The following NLGN1 variants were observed in gnomAD, a reference collection of about 807,000 sequenced individuals.
NLGN1 encodes neuroligin 1, also known as neuroligin-1.
Under a neutral mutation model 65.5 loss-of-function variants are expected in NLGN1, and 12 were observed. That is an observed-to-expected ratio of 0.18 (90% CI 0.12 to 0.30). NLGN1 has a LOEUF of 0.30. NLGN1 is among the 10% of genes least tolerant of loss of function. The probability of loss-of-function intolerance (pLI) is 1.00; values close to 1 mark genes in which losing one functional copy is unlikely to be tolerated. For synonymous variants in NLGN1, 350 were observed against 359.5 expected (o/e 0.97, Z 0.30); for missense variants, 750 against 1,007.1 (o/e 0.74, Z 3.46).
At chr3:173,661,695 T>A (rs1207535885) in intron 3 of NLGN1, among the ~76,000 whole-genome samples, 1 of 152,050 alleles carries the variant, frequency 6.6e-6, no homozygotes, top group East Asian at 1.9e-4. Context: ...TTAAGCTATC[T>A]CTTAATAAAG....
chr3:174,085,003 C>G (rs1025000987), intron 4 of NLGN1, among the ~76,000 whole-genome samples: 2 of 151,762 alleles, frequency 1.3e-5, no homozygotes, highest in African/African-American at 4.8e-5. Context: ...ACCAAACTAG[C>G]GAAAATTCTT....
At chr3:173,611,527 C>T (rs186193319) in intron 3 of NLGN1, among the ~76,000 whole-genome samples, 21 of 152,104 alleles carry the variant, frequency 1.4e-4, no homozygotes, top group Admixed American at 1.1e-3. Context: ...ATAATTAAAA[C>T]GCCTAGTTCA....
chr3:173,657,694 G>A (rs1444235526), intron 3 of NLGN1, among the ~76,000 whole-genome samples: 1 of 151,764 alleles, frequency 6.6e-6, no homozygotes, highest in Non-Finnish European at 1.5e-5. Context: ...AAAAAAAATA[G>A]GAATCATCCC....
chr3:173,774,755 G>A (rs768552131), intron 3 of NLGN1, among the ~76,000 whole-genome samples: 42 of 152,108 alleles, frequency 2.8e-4, no homozygotes, highest in Non-Finnish European at 3.4e-4. Context: ...ACTCTCATTT[G>A]CATTTTTTTC....
In NLGN1 at chr3:173,529,903, G is replaced by A. The variant is rs577956640; in HGVS notation, c.-320-74376G>A. Reference sequence around the variant, plus strand: ...GGTGGAGTGGTCAGGTGTCAGTGGTGTAGAAATGGACTAGGTAATTCCCCA... The same window carrying A: ...GGTGGAGTGGTCAGGTGTCAGTGGTATAGAAATGGACTAGGTAATTCCCCA... On this transcript the variant is annotated intron_variant, in intron 2 of 6. Coordinates refer to ENST00000457714, the Ensembl canonical transcript of NLGN1. Among the ~76,000 whole-genome samples, 22 of 152,046 alleles carry A rather than the reference G, an allele frequency of 1.4e-4. 1 individual carries two copies. The South Asian group carries it at 4.4e-3, about 30-fold the overall frequency.
At chr3:173,942,109 G>GGTGTGTGTGTGT (rs1050946666) in intron 4 of NLGN1, among the ~76,000 whole-genome samples, 65 of 144,140 alleles carry the variant, frequency 4.5e-4, no homozygotes, top group African/African-American at 1.5e-3. Flanking sequence ...GGTGGTTGGG[G>GGTGTGTGTGTGT]GTGTGTGTGT....
chr3:173,783,703 C>T (rs753862684), intron 3 of NLGN1, among the ~76,000 whole-genome samples: 1 of 152,194 alleles, frequency 6.6e-6, no homozygotes, highest in Non-Finnish European at 1.5e-5. Flanking sequence ...CAATCTCTGC[C>T]TCATGGGATT....
chr3:173,982,223 C>A (rs1465033643), intron 4 of NLGN1, among the ~76,000 whole-genome samples: 1 of 152,034 alleles, frequency 6.6e-6, no homozygotes, highest in East Asian at 1.9e-4. Context: ...TAAATATTAA[C>A]TCCAGGACAG....
intron 4 of NLGN1, among the ~76,000 whole-genome samples, chr3:174,029,533 G>C (rs756302404): frequency 5.9e-5 from 9 of 151,652 alleles, no homozygotes; most frequent in African/African-American, 2.4e-5. Flanking sequence ...AGGGACTTTT[G>C]ACTTGGACTT....
chr3:173,961,382 A>T (rs2152347885), intron 4 of NLGN1, among the ~76,000 whole-genome samples: 1 of 152,262 alleles, frequency 6.6e-6, no homozygotes, highest in Non-Finnish European at 1.5e-5. Flanking sequence ...TGTTGAATTT[A>T]CTTCCAATTT....
chr3:174,096,339 G>T (rs1745526841), intron 4 of NLGN1, among the ~76,000 whole-genome samples: 2 of 151,610 alleles, frequency 1.3e-5, no homozygotes, highest in Non-Finnish European at 2.9e-5. Context: ...ACCCATGAAG[G>T]GTTCTCCGCA....
chr3:173,573,143 G>T (rs1744920248), intron 2 of NLGN1, among the ~76,000 whole-genome samples: 3 of 149,380 alleles, frequency 2.0e-5, no homozygotes, highest in Admixed American at 6.8e-5. Flanking sequence ...ACAATGAACA[G>T]GAAGTACAGG....
At chr3:173,709,174 T>C (rs970474619) in intron 3 of NLGN1, among the ~76,000 whole-genome samples, 1 of 152,208 alleles carries the variant, frequency 6.6e-6, no homozygotes, top group Admixed American at 6.5e-5. Context: ...CGAGGTTTAT[T>C]TCTCATTTGC....
intron 1 of NLGN1, among the ~76,000 whole-genome samples, chr3:173,420,748 C>T (rs568815356): frequency 7.6e-4 from 115 of 152,216 alleles, no homozygotes; most frequent in African/African-American, 2.3e-3. Context: ...CTTCTTCTTC[C>T]GGTGTGGCCC....
chr3:173,939,431 G>A (rs999035794), intron 4 of NLGN1, among the ~76,000 whole-genome samples: 2 of 152,054 alleles, frequency 1.3e-5, no homozygotes, highest in Non-Finnish European at 2.9e-5. Context: ...ACCTGTGGTT[G>A]TTTACACACA....
chr3:173,894,900 G>C (rs916495184), intron 4 of NLGN1, among the ~76,000 whole-genome samples: 3 of 146,662 alleles, frequency 2.0e-5, no homozygotes, highest in African/African-American at 7.6e-5. Flanking sequence ...GCCTCCCAAA[G>C]TGCTGGGATT....
rs3979635 is a variant in NLGN1, at chr3:173,788,833, TAAAAAAAAAAAA to T, written c.494-18829_494-18818del. ...CTGGGTTACACAGCAAGACCTCATT[TAAAAAAAAAAAA>T]AAAAAAAAAAAAAAAAAGACCTGAT... is the stretch of plus-strand genomic sequence containing the variant. On this transcript the variant is annotated intron_variant, in intron 3 of 6. Transcript: ENST00000457714. Among the ~76,000 whole-genome samples, 4 of 53,536 alleles carry T rather than the reference TAAAAAAAAAAAA, an allele frequency of 7.5e-5. No homozygotes were observed. In the East Asian group the frequency reaches 1.8e-3, roughly 24 times the overall value. 35.1% of individuals were successfully genotyped at this position (53,536 alleles called of 152,430 possible). A position where few individuals can be genotyped will look rare whatever the true frequency, so the allele number is the denominator to read the frequency against.
chr3:173,927,957 T>C (rs1560651534), intron 4 of NLGN1, among the ~76,000 whole-genome samples: 1 of 152,162 alleles, frequency 6.6e-6, no homozygotes, highest in Non-Finnish European at 1.5e-5. Context: ...CAGTGCTTTT[T>C]ATGTAGGAAT....
chr3:173,639,316 G>C (rs775774597), intron 3 of NLGN1, among the ~76,000 whole-genome samples: 1 of 152,182 alleles, frequency 6.6e-6, no homozygotes, highest in Non-Finnish European at 1.5e-5. Context: ...CAACGAGACA[G>C]GTGGCTAATT....
Sources: allele counts gnomAD v4.1 joint callset (sites outside exome capture counted in the v4.1 genomes callset), GRCh38; gene constraint gnomAD v4.1.1; transcripts MANE v1.5; gene names NCBI Gene and HGNC (gene_info 2026-07-23, HGNC 2026-07-21).